Variants in TRDN observed in about 807,000 individuals in gnomAD.
TRDN encodes triadin in skeletal muscle.
A neutral mutation model predicts 149.7 loss-of-function variants in TRDN; 161 were observed. The observed-to-expected ratio is 1.08, with a 90% CI of 0.95 to 1.23. TRDN has a LOEUF of 1.23. Ranked by LOEUF, TRDN falls within the 50% of genes most tolerant of loss-of-function variation. The probability of loss-of-function intolerance (pLI) is 0.00; values close to 1 mark genes in which losing one functional copy is unlikely to be tolerated. For missense variants in TRDN, 896 were observed against 823.5 expected (o/e 1.09, Z -1.08); for synonymous variants, 294 against 250.5 (o/e 1.17, Z -1.64).
At chr6:123,619,294 G>A (rs1322291752) in intron 1 of TRDN, among the ~76,000 whole-genome samples, 1 of 152,126 alleles carries the variant, frequency 6.6e-6, no homozygotes, top group East Asian at 1.9e-4. Flanking sequence ...CTCCACAGTT[G>A]TCACATGTGG....
intron 35 of TRDN, among the ~76,000 whole-genome samples, chr6:123,256,281 C>T (rs760696253): frequency 2.6e-5 from 4 of 152,082 alleles, no homozygotes; most frequent in African/African-American, 7.2e-5. Context: ...TTCATTTTTA[C>T]GGCTTCATAG....
intron 37 of TRDN, 150 bp downstream of exon 37, chr6:123,254,931 A>G (rs1466438297): frequency 1.4e-5 from 8 of 591,958 alleles, no homozygotes; most frequent in Non-Finnish European, 2.2e-5. Flanking sequence ...GCTTTCTGCT[A>G]GATTTTCTAC....
At chr6:123,287,097 G>A (rs768840211) in intron 24 of TRDN, among the ~76,000 whole-genome samples, 11 of 152,116 alleles carry the variant, frequency 7.2e-5, no homozygotes, top group African/African-American at 2.7e-4. Context: ...CAGAAAGAGT[G>A]CAAAGAGGTC....
chr6:123,381,515 A>G (rs750817072), intron 15 of TRDN, 125 bp from the exon 16 acceptor site: 87 of 832,258 alleles, frequency 1.0e-4, no homozygotes, highest in Non-Finnish European at 1.5e-4. Context: ...TAAATTTCAC[A>G]ATGAGGTGAA....
At chr6:123,343,678 A>C (rs1369264710) in intron 21 of TRDN, among the ~76,000 whole-genome samples, 2 of 152,016 alleles carry the variant, frequency 1.3e-5, no homozygotes, top group African/African-American at 4.8e-5. Context: ...CCACCAAGGC[A>C]CATGTATACA....
intron 4 of TRDN, among the ~76,000 whole-genome samples, chr6:123,532,907 G>C (rs4448113): frequency 0.25 from 38,117 of 150,930 alleles, 5,239 homozygotes; most frequent in Non-Finnish European, 0.3. Flanking sequence ...CATCCACAGA[G>C]ACAAACTGAT....
chr6:123,515,185 C>T (rs779971676), intron 6 of TRDN, among the ~76,000 whole-genome samples: 2 of 151,474 alleles, frequency 1.3e-5, no homozygotes, highest in Admixed American at 6.6e-5. Flanking sequence ...CTATGAAATG[C>T]CTTTCAAAAT....
chr6:123,308,005 C>T (rs145940809), intron 24 of TRDN, among the ~76,000 whole-genome samples: 6 of 151,902 alleles, frequency 3.9e-5, no homozygotes, highest in Non-Finnish European at 8.8e-5. Flanking sequence ...AACCCTTTGT[C>T]CCCTCTCTTT....
intron 12 of TRDN, among the ~76,000 whole-genome samples, chr6:123,435,794 G>A (rs747487362): frequency 2.4e-4 from 36 of 152,140 alleles, no homozygotes; most frequent in Non-Finnish European, 5.0e-4. Context: ...TTCGGTGGCT[G>A]AGCACTGTCC....
Position 123,522,360 on chromosome 6 carries a change from G to A in TRDN, c.485-6154C>T, listed in dbSNP as rs183030899. On this transcript the variant is annotated intron_variant, in intron 5 of 40. Transcript: ENST00000334268. Reference sequence around the variant, plus strand: ...CATGTCTATTAGTTAAATAGAAGCCGAAATCTTATCTAATATCACCAATAA... The same window carrying A: ...CATGTCTATTAGTTAAATAGAAGCCAAAATCTTATCTAATATCACCAATAA... Among the ~76,000 whole-genome samples, 428 of 151,966 alleles carry A rather than the reference G, an allele frequency of 2.8e-3. 7 individuals are homozygous for A. Among genetic ancestry groups the A allele is most frequent in the Admixed American group, 0.022 (331 of 15,250 alleles).
intron 5 of TRDN, among the ~76,000 whole-genome samples, chr6:123,530,145 A>C (rs929268665): frequency 1.3e-5 from 2 of 151,980 alleles, no homozygotes; most frequent in Admixed American, 6.6e-5. Context: ...GACAGAAGGA[A>C]TTCAGGTTAA....
intron 12 of TRDN, among the ~76,000 whole-genome samples, chr6:123,410,540 T>C (rs1403132165): frequency 6.6e-6 from 1 of 152,198 alleles, no homozygotes; most frequent in Non-Finnish European, 1.5e-5. Context: ...ATTTTAAGTA[T>C]ATATTTATTG....
At chr6:123,354,446 C>T (rs1470788686) in intron 20 of TRDN, among the ~76,000 whole-genome samples, 3 of 151,844 alleles carry the variant, frequency 2.0e-5, no homozygotes, top group East Asian at 3.8e-4. Flanking sequence ...CTCACTTTCA[C>T]AGGCAAACTC....
intron 20 of TRDN, among the ~76,000 whole-genome samples, chr6:123,357,127 T>C (rs908850388): frequency 2.0e-5 from 3 of 151,926 alleles, no homozygotes; most frequent in Admixed American, 6.6e-5. Context: ...ATACATTTGT[T>C]CATTAGATCT....
chr6:123,609,983 C>T (rs1010671663), intron 1 of TRDN, among the ~76,000 whole-genome samples: 10 of 151,970 alleles, frequency 6.6e-5, no homozygotes, highest in Non-Finnish European at 1.0e-4. Flanking sequence ...TACTAGAAGT[C>T]CTGAAATAAG....
At chr6:123,392,083 C>G (rs1420502893) in intron 13 of TRDN, among the ~76,000 whole-genome samples, 1 of 152,038 alleles carries the variant, frequency 6.6e-6, no homozygotes, top group Non-Finnish European at 1.5e-5. Flanking sequence ...TTGCCTTGTT[C>G]ACTGTGCTTC....
At chr6:123,260,052 C>A (rs1056444829) in intron 34 of TRDN, among the ~76,000 whole-genome samples, 6 of 151,698 alleles carry the variant, frequency 4.0e-5, no homozygotes, top group African/African-American at 1.5e-4. Context: ...TCCCTCCTCA[C>A]CCTCCTGAGT....
intron 12 of TRDN, among the ~76,000 whole-genome samples, chr6:123,437,662 A>G (rs1774644125): frequency 6.6e-6 from 1 of 152,102 alleles, no homozygotes; most frequent in Admixed American, 6.5e-5. Context: ...TTTCTGTGGA[A>G]GAGTAGGAGC....
chr6:123,234,837 T>G (rs1412339393), intron 38 of TRDN, among the ~76,000 whole-genome samples: 1 of 152,026 alleles, frequency 6.6e-6, no homozygotes, highest in Non-Finnish European at 1.5e-5. Context: ...ACATGAAAAG[T>G]GGGGTCACAT....
Sources: gnomAD v4.1 joint callset for allele counts (sites outside exome capture counted in the v4.1 genomes callset) on GRCh38, gnomAD v4.1.1 for gene constraint, MANE v1.5 for transcripts, NCBI Gene and HGNC (gene_info 2026-07-23, HGNC 2026-07-21) for gene names.